ZNF568: variants seen among roughly 807,000 people sequenced by gnomAD.
The protein encoded by ZNF568 is zinc finger protein 568.
In ZNF568, 11 loss-of-function variants were observed where a neutral mutation model predicts 18.1. The ratio of observed to expected loss-of-function variants is 0.61; its 90% CI spans 0.38 to 1.00. ZNF568 has a LOEUF of 1.00. Among genes scored for constraint, ZNF568 ranks in the 50% least tolerant of loss-of-function variants. The pLI is 0.01. For synonymous variants in ZNF568, 213 were observed against 246.6 expected (o/e 0.86, Z 1.28); for missense variants, 639 against 768.2 (o/e 0.83, Z 1.99).
At chr19:36,938,245 A>G (rs560539763) in intron 6 of ZNF568, among the ~76,000 whole-genome samples, 2 of 152,246 alleles carry the variant, frequency 1.3e-5, no homozygotes, top group East Asian at 3.9e-4. Context: ...TGTTGCTTTT[A>G]TACATTTCAC....
chr19:36,927,903 ATTTTTTTTTTTTTT>A lies in ZNF568; in HGVS notation c.135+2660_135+2673del, dbSNP rs71177414. 1.2e-3 allele frequency among the ~76,000 whole-genome samples: 31 copies of A among 26,606 alleles called. 1 individual carries two copies. Among genetic ancestry groups the A allele is most frequent in the African/African-American group, 4.8e-3 (19 of 3,942 alleles). 17.5% of individuals were successfully genotyped at this position (26,606 alleles called of 152,430 possible). ...ATATATATATTATATATATATATAT[ATTTTTTTTTTTTTT>A]TTTTTTTTTTTTTTGGTGATGAAGT... On this transcript the variant is annotated intron_variant, in intron 4 of 6. Coordinates refer to ENST00000333987, the MANE Select transcript of ZNF568 (RefSeq NM_198539.4).
intron 6 of ZNF568, among the ~76,000 whole-genome samples, chr19:36,945,212 T>TGTGTGG (rs1307617129): frequency 2.0e-5 from 1 of 49,268 alleles, no homozygotes; most frequent in Non-Finnish European, 5.7e-5. Flanking sequence ...GAGAGAGAAG[T>TGTGTGG]GTGTGTGTGT....
In ZNF568 at chr19:36,950,474, A is replaced by G; in HGVS notation, c.1321A>G (p.Thr441Ala). ...SSLTVHMRNH[T>A]AEKPYECKEC... The stretch of plus-strand genomic sequence containing the variant: ...CCTAACCGTACATATGCGAAATCAT[A>G]CAGCTGAGAAACCCTATGAATGTAA... The change falls in exon 7 of 7, where the codon ACA (threonine) becomes GCA (alanine). Residue 441 changes from threonine to alanine, a missense_variant. Coordinates refer to ENST00000333987, the MANE Select transcript of ZNF568 (RefSeq NM_198539.4). 6.2e-7 allele frequency: 1 copy of G among 1,613,326 alleles called. No individual in the cohort carries two copies. The highest frequency in any genetic ancestry group is 8.5e-7 in the Non-Finnish European group (1 of 1,179,446).
At chr19:36,946,910 T>C (rs985980678) in intron 6 of ZNF568, among the ~76,000 whole-genome samples, 1 of 152,116 alleles carries the variant, frequency 6.6e-6, no homozygotes, top group Non-Finnish European at 1.5e-5. Context: ...CCTCCCAAAG[T>C]GCTGGGATTA....
chr19:36,990,138 T>G (rs2074411244), intron 2 of ZNF568, among the ~76,000 whole-genome samples: 1 of 152,210 alleles, frequency 6.6e-6, no homozygotes, highest in Non-Finnish European at 1.5e-5. Flanking sequence ...TACAGTGTAT[T>G]CCCAAGGAGT....
downstream of ZNF568, chr19:36,997,356 A>T (rs764272232): frequency 2.5e-6 from 4 of 1,602,928 alleles, no homozygotes; most frequent in Non-Finnish European, 2.5e-6. Context: ...GACATCAGAG[A>T]GCTCATACTG....
At chr19:36,962,277 G>GTGTTT in intron 6 of ZNF568, among the ~76,000 whole-genome samples, 1 of 45,266 alleles carries the variant, frequency 2.2e-5, no homozygotes, top group Non-Finnish European at 3.8e-5. Context: ...GTGTTGCAGT[G>GTGTTT]TTTTTTTTTT....
chr19:36,939,914 C>T (rs566685889), intron 6 of ZNF568, among the ~76,000 whole-genome samples: 1 of 152,226 alleles, frequency 6.6e-6, no homozygotes, highest in African/African-American at 2.4e-5. Context: ...TTAATTCTAC[C>T]ATATTGAAAC....
In ZNF568 at chr19:36,916,979, T is replaced by A; in HGVS notation, c.-256+388T>A. Among the ~76,000 whole-genome samples the A allele has an allele frequency of 6.6e-6, 1 of 152,176 alleles. No individual in the cohort carries two copies. Among genetic ancestry groups the A allele is most frequent in the East Asian group, 1.9e-4 (1 of 5,200 alleles). ...CTTGGCCCTTTGTAATTTTCCACTA[T>A]TCCTTGGCGAACTTTTCAGGTTCAT... is the stretch of plus-strand genomic sequence containing the variant. On this transcript the variant is annotated intron_variant, in intron 1 of 6. Coordinates refer to ENST00000333987, the MANE Select transcript of ZNF568 (RefSeq NM_198539.4). The surrounding 1 kb of genome is among the most constrained non-coding windows in gnomAD (Gnocchi z 5.3).
At chr19:36,921,620 T>C (rs2073457672) in intron 2 of ZNF568, among the ~76,000 whole-genome samples, 1 of 152,138 alleles carries the variant, frequency 6.6e-6, no homozygotes, top group African/African-American at 2.4e-5. Context: ...TTAGTCTATT[T>C]TGTTACATAT....
chr19:36,942,367 A>G (rs1431973463), intron 6 of ZNF568, among the ~76,000 whole-genome samples: 1 of 151,210 alleles, frequency 6.6e-6, no homozygotes, highest in Non-Finnish European at 1.5e-5. Flanking sequence ...TGGGAGGCCA[A>G]GGTGGGCAGA....
intron 6 of ZNF568, among the ~76,000 whole-genome samples, chr19:36,959,546 T>C (rs2074132312): frequency 6.6e-6 from 1 of 152,178 alleles, no homozygotes; most frequent in South Asian, 2.1e-4. Flanking sequence ...GGGAGAATTC[T>C]CTCCTCTTTT....
chr19:36,997,374 A>G, downstream of ZNF568: 1 of 1,592,660 alleles, frequency 6.3e-7, no homozygotes, highest in Non-Finnish European at 8.5e-7. Context: ...CTGGTGAAAA[A>G]CCCTATGAGT....
In ZNF568 at chr19:36,945,212, TGTG is replaced by T. The variant is rs1367872959; in HGVS notation, c.359-4299_359-4297del. Among the ~76,000 whole-genome samples, 3 of 49,268 alleles carry T rather than the reference TGTG, an allele frequency of 6.1e-5. No homozygotes were observed. In the East Asian group the frequency reaches 7.6e-4, roughly 12 times the overall value. The allele number at this position is 49,268 out of a possible 152,430, so 32.3% of individuals were successfully genotyped here. A position where few individuals can be genotyped will look rare whatever the true frequency, so the allele number is the denominator to read the frequency against. On this transcript the variant is annotated intron_variant, in intron 6 of 6. Transcript: ENST00000333987. ...ATGGGAAGAGAGACAGAGAGAGAAGTGTGTGTGTGTGTGTGTGTGTGTGTGTGT... is the reference window on the plus strand; with the variant it reads ...ATGGGAAGAGAGACAGAGAGAGAAGTTGTGTGTGTGTGTGTGTGTGTGTGT...
chr19:36,934,304 CTT>C (rs201377492), intron 4 of ZNF568, among the ~76,000 whole-genome samples: 147 of 128,832 alleles, frequency 1.1e-3, no homozygotes, highest in East Asian at 2.3e-3. Flanking sequence ...CTTCTAGTAT[CTT>C]TTTTTTTTTT....
chr19:36,987,697 C>G (rs548545194), intron 2 of ZNF568, among the ~76,000 whole-genome samples: 5 of 152,196 alleles, frequency 3.3e-5, no homozygotes, highest in African/African-American at 1.2e-4. Context: ...CTCTGATCAG[C>G]TCCTGACAGT....
intron 6 of ZNF568, among the ~76,000 whole-genome samples, chr19:36,941,941 C>T (rs143943644): frequency 0.017 from 2,603 of 151,130 alleles, 39 homozygotes; most frequent in Middle Eastern, 0.056. Flanking sequence ...CTTTTGTTGT[C>T]GACCTACGTA....
intron 4 of ZNF568, among the ~76,000 whole-genome samples, chr19:36,925,907 G>A (rs989571852): frequency 1.3e-5 from 2 of 152,112 alleles, no homozygotes; most frequent in African/African-American, 2.4e-5. Flanking sequence ...TTTGGTATCC[G>A]TGGGGGGTCC....
chr19:36,927,285 A>C (rs1315321806), intron 4 of ZNF568, among the ~76,000 whole-genome samples: 2 of 152,158 alleles, frequency 1.3e-5, no homozygotes, highest in Non-Finnish European at 2.9e-5. Flanking sequence ...TTTCCTAATT[A>C]ATATTAGATC....
Sources: allele counts gnomAD v4.1 joint callset (sites outside exome capture counted in the v4.1 genomes callset), GRCh38; gene constraint gnomAD v4.1.1; non-coding constraint Gnocchi (gnomAD v3.1); transcripts MANE v1.5; gene names NCBI Gene and HGNC (gene_info 2026-07-23, HGNC 2026-07-21).